The following OXCT1 variants were observed in gnomAD, a reference collection of about 807,000 sequenced individuals.
The protein encoded by OXCT1 is 3-oxoacid CoA-transferase 1, also known as succinyl-CoA:3-ketoacid coenzyme A transferase 1, mitochondrial.
A neutral mutation model predicts 69.6 loss-of-function variants in OXCT1; 27 were observed. That is an observed-to-expected ratio of 0.39 (90% CI 0.29 to 0.54). OXCT1 has a LOEUF of 0.54. Ranked by LOEUF, OXCT1 falls within the 20% of genes least tolerant of loss-of-function variation. The pLI, the probability that OXCT1 is intolerant of heterozygous loss-of-function variation, is 0.72. For missense variants in OXCT1, 437 were observed against 650.2 expected, an observed-to-expected ratio of 0.67 and a Z score of 3.57; for synonymous variants, 202 against 217.8, an observed-to-expected ratio of 0.93 and a Z score of 0.64.
intron 7 of OXCT1, among the ~76,000 whole-genome samples, chr5:41,836,882 T>C (rs1579843585): frequency 6.6e-6 from 1 of 152,120 alleles, no homozygotes; most frequent in East Asian, 1.9e-4. Context: ...AACAAAACTT[T>C]GCCAAAAAGG....
chr5:41,815,684 C>G (rs776938450), intron 7 of OXCT1, among the ~76,000 whole-genome samples: 11 of 152,108 alleles, frequency 7.2e-5, no homozygotes, highest in Admixed American at 2.0e-4. Flanking sequence ...CATGTTCATT[C>G]AAAGCACCAG....
At chr5:41,783,868 A>G (rs1388520813) in intron 13 of OXCT1, among the ~76,000 whole-genome samples, 3 of 152,198 alleles carry the variant, frequency 2.0e-5, no homozygotes, top group South Asian at 2.1e-4. Flanking sequence ...TATGAAGCAC[A>G]GCAAGGAGAG....
chr5:41,868,131 A>G (rs1338248834), intron 1 of OXCT1, among the ~76,000 whole-genome samples: 1 of 152,266 alleles, frequency 6.6e-6, no homozygotes, highest in African/African-American at 2.4e-5. Context: ...TCTGCGAGAC[A>G]CTGGGCCTGC....
intron 11 of OXCT1, among the ~76,000 whole-genome samples, chr5:41,797,838 C>T (rs1746250669): frequency 6.6e-6 from 1 of 152,186 alleles, no homozygotes; most frequent in Admixed American, 6.5e-5. Flanking sequence ...TAAAACATTT[C>T]CAGTGATGCT....
chr5:41,867,225 A>G (rs1750030574), intron 1 of OXCT1, among the ~76,000 whole-genome samples: 2 of 152,210 alleles, frequency 1.3e-5, no homozygotes, highest in Non-Finnish European at 1.5e-5. Flanking sequence ...AACTCAAAGG[A>G]AGCCTGAATT....
At chr5:41,735,074 C>T (rs1742818771) in intron 16 of OXCT1, among the ~76,000 whole-genome samples, 1 of 152,120 alleles carries the variant, frequency 6.6e-6, no homozygotes, top group African/African-American at 2.4e-5. Flanking sequence ...TCATATGATC[C>T]AGCAATCCAA....
intron 15 of OXCT1, among the ~76,000 whole-genome samples, chr5:41,743,359 T>G (rs377136641): frequency 3.9e-5 from 6 of 152,144 alleles, no homozygotes; most frequent in African/African-American, 1.4e-4. Flanking sequence ...GTTTGGGTTC[T>G]TTGTAGATTC....
At chr5:41,817,229 T>C (rs1415929786) in intron 7 of OXCT1, among the ~76,000 whole-genome samples, 5 of 151,726 alleles carry the variant, frequency 3.3e-5, no homozygotes, top group Non-Finnish European at 7.4e-5. Context: ...AGCCTTCCTA[T>C]AGTTAAAAAA....
intron 13 of OXCT1, among the ~76,000 whole-genome samples, chr5:41,766,229 T>A (rs1488659583): frequency 6.6e-6 from 1 of 152,124 alleles, no homozygotes; most frequent in Non-Finnish European, 1.5e-5. Context: ...TGATAGCAAG[T>A]ATGGAAAGAT....
At chr5:41,754,560 A>T (rs1014663755) in intron 14 of OXCT1, among the ~76,000 whole-genome samples, 5 of 152,104 alleles carry the variant, frequency 3.3e-5, no homozygotes, top group African/African-American at 4.8e-5. Flanking sequence ...ACAAAAATTA[A>T]AAAATTTAAT....
intron 7 of OXCT1, among the ~76,000 whole-genome samples, chr5:41,828,900 A>T (rs535382176): frequency 6.6e-5 from 10 of 152,302 alleles, no homozygotes; most frequent in Admixed American, 3.9e-4. Flanking sequence ...ATACTTTTTT[A>T]AAAAATGGTC....
chr5:41,733,266 G>C (rs372018779), intron 16 of OXCT1, among the ~76,000 whole-genome samples: 2 of 126,132 alleles, frequency 1.6e-5, no homozygotes, highest in African/African-American at 3.0e-5. Context: ...TTTTTTTTGA[G>C]ACGGAGTTTT....
intron 8 of OXCT1, among the ~76,000 whole-genome samples, chr5:41,806,042 G>A (rs1489407092): frequency 1.3e-5 from 2 of 152,084 alleles, no homozygotes; most frequent in Non-Finnish European, 2.9e-5. Context: ...CTTTGGGAAT[G>A]TGTTTTTCAG....
intron 16 of OXCT1, among the ~76,000 whole-genome samples, chr5:41,734,625 T>C (rs762124452): frequency 2.8e-4 from 42 of 152,188 alleles, no homozygotes; most frequent in Non-Finnish European, 5.6e-4. Context: ...CTTTAAATAT[T>C]TGAGAGACAG....
intron 15 of OXCT1, among the ~76,000 whole-genome samples, chr5:41,748,570 T>C (rs556964842): frequency 6.6e-5 from 10 of 152,114 alleles, no homozygotes; most frequent in African/African-American, 2.4e-4. Flanking sequence ...TTTATCTTGT[T>C]CTTTATATGT....
intron 13 of OXCT1, among the ~76,000 whole-genome samples, chr5:41,782,472 C>G (rs758388482): frequency 1.1e-4 from 16 of 152,190 alleles, no homozygotes; most frequent in Non-Finnish European, 1.5e-4. Flanking sequence ...CCTTAGCCCC[C>G]CAAAGTGCTG....
At chr5:41,815,120 G>A (rs1212007408) in intron 7 of OXCT1, among the ~76,000 whole-genome samples, 1 of 151,802 alleles carries the variant, frequency 6.6e-6, no homozygotes, top group East Asian at 1.9e-4. Context: ...AAAATTAATA[G>A]CTTATATATT....
In OXCT1 at chr5:41,831,533, C is replaced by T. The variant is rs1490673283; in HGVS notation, c.732+8918G>A. On this transcript the variant is annotated intron_variant, in intron 7 of 16. Transcript: ENST00000196371. ...TCAAGATAGACCATCAGAATGTAAA[C>T]TCCATGAGGGCAGTGAGTTTTGCTT... 3.9e-5 allele frequency among the ~76,000 whole-genome samples: 6 copies of T among 152,298 alleles called. No homozygotes were observed. The East Asian group carries it at 7.7e-4, about 20-fold the overall frequency.
At chr5:41,736,951 G>A (rs6869822) in intron 16 of OXCT1, among the ~76,000 whole-genome samples, 6,236 of 152,292 alleles carry the variant, frequency 0.041, 276 homozygotes, top group African/African-American at 0.093. Context: ...CTTCTGAATT[G>A]TCAAGAAAGA....
Sources: allele counts gnomAD v4.1 joint callset (sites outside exome capture counted in the v4.1 genomes callset), GRCh38; gene constraint gnomAD v4.1.1; transcripts MANE v1.5; gene names NCBI Gene and HGNC (gene_info 2026-07-23, HGNC 2026-07-21).